Variants in WDR70 observed in about 807,000 individuals in gnomAD.
WDR70 encodes the protein WD repeat-containing protein 70.
A neutral mutation model predicts 88.6 loss-of-function variants in WDR70; 53 were observed. The observed-to-expected ratio is 0.60, with a 90% CI of 0.48 to 0.75. The LOEUF (loss-of-function observed/expected upper bound fraction) is 0.75. Ranked by LOEUF, WDR70 falls within the 30% of genes least tolerant of loss-of-function variation. The pLI, the probability that WDR70 is intolerant of heterozygous loss-of-function variation, is 0.00. For synonymous variants in WDR70, 280 were observed against 270.0 expected (o/e 1.04, Z -0.36); for missense variants, 610 against 823.2 (o/e 0.74, Z 3.17).
chr5:37,688,005 A>G (rs1482578801), intron 10 of WDR70: 1 of 664,536 alleles, frequency 1.5e-6, no homozygotes, highest in Non-Finnish European at 2.8e-6. Context: ...TATAACTTTT[A>G]AGGTTCTTTA....
chr5:37,625,207 T>C (rs988610008), intron 10 of WDR70, among the ~76,000 whole-genome samples: 1 of 152,196 alleles, frequency 6.6e-6, no homozygotes, highest in Non-Finnish European at 1.5e-5. Context: ...TACTTAGTAG[T>C]AGCCTTGCTG....
chr5:37,550,160 T>C (rs896994993), intron 9 of WDR70, among the ~76,000 whole-genome samples: 1 of 152,220 alleles, frequency 6.6e-6, no homozygotes, highest in Non-Finnish European at 1.5e-5. Context: ...CCACTGTGCC[T>C]GGGCAGAGAT....
chr5:37,484,448 G>T (rs1241787225), intron 8 of WDR70, among the ~76,000 whole-genome samples: 1 of 152,150 alleles, frequency 6.6e-6, no homozygotes, highest in South Asian at 2.1e-4. Context: ...GCAGGCACTC[G>T]GCAGGCTGAG....
At chr5:37,636,786 A>C (rs1339107221) in intron 10 of WDR70, among the ~76,000 whole-genome samples, 3 of 152,194 alleles carry the variant, frequency 2.0e-5, no homozygotes, top group African/African-American at 7.2e-5. Flanking sequence ...CCTAGATTGG[A>C]GGCGACTAAG....
chr5:37,707,005 A>G (rs1272076913), intron 13 of WDR70, among the ~76,000 whole-genome samples: 6 of 152,186 alleles, frequency 3.9e-5, no homozygotes, highest in African/African-American at 1.4e-4. Context: ...TGGTGATGAC[A>G]TGTCAATTTT....
intron 9 of WDR70, among the ~76,000 whole-genome samples, chr5:37,536,198 T>A (rs1235491569): frequency 6.6e-6 from 1 of 152,154 alleles, no homozygotes; most frequent in Non-Finnish European, 1.5e-5. Flanking sequence ...TTCTTAGCAA[T>A]CTGTTATTTC....
chr5:37,560,867 A>G (rs1391118525), intron 9 of WDR70, among the ~76,000 whole-genome samples: 2 of 142,952 alleles, frequency 1.4e-5, no homozygotes, highest in Non-Finnish European at 1.5e-5. Flanking sequence ...GACAGATTGC[A>G]CTAGTGCAAT....
intron 13 of WDR70, among the ~76,000 whole-genome samples, chr5:37,706,527 A>C (rs1040927141): frequency 1.3e-5 from 2 of 152,102 alleles, no homozygotes; most frequent in African/African-American, 2.4e-5. Flanking sequence ...TGGTTTTATA[A>C]ATGGGAGTTC....
At chr5:37,688,404 C>T (rs1167591269) in intron 10 of WDR70, among the ~76,000 whole-genome samples, 1 of 152,164 alleles carries the variant, frequency 6.6e-6, no homozygotes, top group African/African-American at 2.4e-5. Flanking sequence ...GGTCTTTCTT[C>T]TATTTGGATA....
chr5:37,516,515 G>T lies in WDR70; in HGVS notation c.842G>T (p.Gly281Val). ...TTCCCCTTTGTCTTTATTTTTAAGGGTCATACAGCAATGCTTCATACTGGC... is the reference window on the plus strand; with the variant it reads ...TTCCCCTTTGTCTTTATTTTTAAGGTTCATACAGCAATGCTTCATACTGGC... ...QYIVDMANTK[G>V]HTAMLHTGSW... The change falls in exon 9 of 18, where the codon GGT (glycine) becomes GTT (valine). Residue 281 changes from glycine (G) to valine (V), a missense_variant and splice_region_variant. Physicochemically the swap from Gly to Val is moderately radical, Grantham distance 109. Around this residue, in one of 4 missense-constraint regions of WDR70, gnomAD observed 83 missense variants for 155.3 expected, o/e 0.53. Transcript: ENST00000265107. 1 of 1,587,576 alleles carries T rather than the reference G, an allele frequency of 6.3e-7. No individual in the cohort carries two copies. Among genetic ancestry groups the T allele is most frequent in the Non-Finnish European group, 8.6e-7 (1 of 1,162,562 alleles).
chr5:37,576,702 T>C (rs538067594), intron 9 of WDR70, among the ~76,000 whole-genome samples: 14 of 152,016 alleles, frequency 9.2e-5, no homozygotes, highest in East Asian at 3.9e-4. Flanking sequence ...TCCTAGAAAA[T>C]TGAGTGATTT....
intron 5 of WDR70, among the ~76,000 whole-genome samples, chr5:37,428,445 CT>C (rs1273604280): frequency 6.6e-6 from 1 of 152,150 alleles, no homozygotes; most frequent in Non-Finnish European, 1.5e-5. Flanking sequence ...CCATTTACCC[CT>C]AATCCCAGGC....
chr5:37,434,205 C>T (rs1346555465), intron 5 of WDR70, among the ~76,000 whole-genome samples: 1 of 152,174 alleles, frequency 6.6e-6, no homozygotes, highest in Non-Finnish European at 1.5e-5. Flanking sequence ...AAAAAACCAT[C>T]AGATCTTCTG....
At chr5:37,600,964 A>G (rs1354555655) in intron 9 of WDR70, among the ~76,000 whole-genome samples, 1 of 152,112 alleles carries the variant, frequency 6.6e-6, no homozygotes, top group Non-Finnish European at 1.5e-5. Flanking sequence ...AGTTTTCTGT[A>G]TGTAAGATAA....
chr5:37,414,891 A>T (rs1262081923), intron 5 of WDR70, among the ~76,000 whole-genome samples: 1 of 148,632 alleles, frequency 6.7e-6, no homozygotes, highest in Admixed American at 6.6e-5. Flanking sequence ...AAACAAGTGA[A>T]CAAAGGTCTC....
intron 9 of WDR70, among the ~76,000 whole-genome samples, chr5:37,528,593 C>G (rs937526503): frequency 6.6e-6 from 1 of 151,844 alleles, no homozygotes; most frequent in Non-Finnish European, 1.5e-5. Context: ...CAAACCTGCA[C>G]GTTGTACACA....
chr5:37,660,973 A>G (rs1211301251), intron 10 of WDR70, among the ~76,000 whole-genome samples: 2 of 152,216 alleles, frequency 1.3e-5, no homozygotes, highest in African/African-American at 2.4e-5. Context: ...TAATCTGGAG[A>G]TGATTTAAAG....
intron 7 of WDR70, among the ~76,000 whole-genome samples, chr5:37,461,122 A>AT (rs1554141031): frequency 5.4e-5 from 8 of 149,448 alleles, no homozygotes; most frequent in African/African-American, 2.0e-4. Context: ...AAAAAAAAAA[A>AT]AAATAAAGGG....
At chr5:37,424,970 G>A (rs1382398258) in intron 5 of WDR70, among the ~76,000 whole-genome samples, 1 of 152,174 alleles carries the variant, frequency 6.6e-6, no homozygotes, top group Non-Finnish European at 1.5e-5. Context: ...AAGGCTGGGT[G>A]CGGTGGCTCA....
Sources: gnomAD v4.1 joint callset for allele counts (sites outside exome capture counted in the v4.1 genomes callset) on GRCh38, gnomAD v4.1.1 for gene constraint, gnomAD v4.1.1 regional missense constraint, MANE v1.5 for transcripts, NCBI Gene and HGNC (gene_info 2026-07-23, HGNC 2026-07-21) for gene names.